The following SUMF1 variants were observed in gnomAD, a reference collection of about 807,000 sequenced individuals.
The protein encoded by SUMF1 is sulfatase modifying factor 1.
A neutral mutation model predicts 47.6 loss-of-function variants in SUMF1; 48 were observed. The ratio of observed to expected loss-of-function variants is 1.01; its 90% CI spans 0.80 to 1.28. SUMF1 has a LOEUF of 1.28. SUMF1 is among the 50% of genes most tolerant of loss of function. SUMF1 has a pLI of 0.00. For missense variants in SUMF1, 571 were observed against 485.4 expected (o/e 1.18, Z -1.66); for synonymous variants, 230 against 192.1 (o/e 1.20, Z -1.63).
At chr3:4,226,273 T>C (rs1696172490) in intron 8 of SUMF1, among the ~76,000 whole-genome samples, 1 of 139,866 alleles carries the variant, frequency 7.1e-6, no homozygotes, top group African/African-American at 2.7e-5. Context: ...TCTTTTTTTT[T>C]TTTTTTTTTT....
At chr3:4,394,526 G>A (rs895571271) in intron 7 of SUMF1, among the ~76,000 whole-genome samples, 3 of 152,184 alleles carry the variant, frequency 2.0e-5, no homozygotes, top group Non-Finnish European at 4.4e-5. Context: ...ATTCAAAGGT[G>A]TTAGATTAAA....
At chr3:4,165,471 G>A (rs1434642447) in intron 8 of SUMF1, among the ~76,000 whole-genome samples, 1 of 152,022 alleles carries the variant, frequency 6.6e-6, no homozygotes, top group East Asian at 1.9e-4. Flanking sequence ...AACAGGAAGG[G>A]GAGCTGTAGG....
chr3:4,319,938 ACT>A (rs1423806170), intron 8 of SUMF1, among the ~76,000 whole-genome samples: 1 of 152,182 alleles, frequency 6.6e-6, no homozygotes, highest in Non-Finnish European at 1.5e-5. Flanking sequence ...ACTATATGAC[ACT>A]CTGGAAAAGA....
intron 8 of SUMF1, among the ~76,000 whole-genome samples, chr3:4,108,247 T>C (rs971699081): frequency 6.6e-5 from 10 of 152,168 alleles, no homozygotes; most frequent in Admixed American, 5.9e-4. Flanking sequence ...TGAGTGAGTT[T>C]CTTAATCCTG....
At chr3:4,292,928 A>G (rs1697768226) in intron 8 of SUMF1, among the ~76,000 whole-genome samples, 1 of 152,190 alleles carries the variant, frequency 6.6e-6, no homozygotes. Context: ...TAAAAAACAA[A>G]TTATATTCAA....
intron 8 of SUMF1, among the ~76,000 whole-genome samples, chr3:4,079,235 A>G (rs1692505925): frequency 6.6e-6 from 1 of 152,122 alleles, no homozygotes; most frequent in Non-Finnish European, 1.5e-5. Context: ...ATTATTAGCT[A>G]ACACCTCGCT....
chr3:4,093,206 A>G (rs1692825274), intron 8 of SUMF1, among the ~76,000 whole-genome samples: 1 of 152,172 alleles, frequency 6.6e-6, no homozygotes, highest in Non-Finnish European at 1.5e-5. Flanking sequence ...GTTAAATAAA[A>G]TTAAACAAGG....
chr3:4,358,981 G>A (rs545355549), downstream of SUMF1, among the ~76,000 whole-genome samples: 1 of 148,596 alleles, frequency 6.7e-6, no homozygotes, highest in Non-Finnish European at 1.5e-5. Context: ...TAGTTATTTT[G>A]TTAGTGCTGT....
At chr3:4,085,746 C>A (rs1397145436) in intron 8 of SUMF1, among the ~76,000 whole-genome samples, 1 of 151,864 alleles carries the variant, frequency 6.6e-6, no homozygotes, top group Non-Finnish European at 1.5e-5. Flanking sequence ...TTCTCTTTTA[C>A]CTAAAGAACT....
At chr3:4,221,905 A>AT (rs1305530009) in intron 8 of SUMF1, among the ~76,000 whole-genome samples, 2 of 151,574 alleles carry the variant, frequency 1.3e-5, no homozygotes, top group East Asian at 1.9e-4. Context: ...TAGAATTGTG[A>AT]TTTTTTTTCT....
chr3:4,400,267 C>T (rs1208657961), intron 7 of SUMF1, among the ~76,000 whole-genome samples: 1 of 152,156 alleles, frequency 6.6e-6, no homozygotes, highest in East Asian at 1.9e-4. Flanking sequence ...TCCCCATGGC[C>T]TTTCCAGGTG....
intron 8 of SUMF1, among the ~76,000 whole-genome samples, chr3:4,254,948 G>A (rs1403001918): frequency 1.3e-5 from 2 of 152,014 alleles, no homozygotes; most frequent in South Asian, 2.1e-4. Flanking sequence ...GAAGAGAGGG[G>A]GGGCCAGTAT....
chr3:4,354,416 A>C (rs1173697329), intron 8 of SUMF1, among the ~76,000 whole-genome samples: 2 of 151,594 alleles, frequency 1.3e-5, no homozygotes, highest in Non-Finnish European at 2.9e-5. Flanking sequence ...TATGTCCACA[A>C]ATGACTTTTC....
Position 4,253,868 on chromosome 3 carries a change from A to G in SUMF1, c.1014+122462T>C, listed in dbSNP as rs1294819369. On this transcript the variant is annotated intron_variant and NMD_transcript_variant, in intron 8 of 12. Coordinates refer to the SUMF1 transcript ENST00000448413. The stretch of plus-strand genomic sequence containing the variant: ...CTGCAGACTTAAATGTCCCTGTCTG[A>G]CAGCTTTGAAGAGAGCAGTGGTTCT... Among the ~76,000 whole-genome samples, 24 of 149,952 alleles carry G rather than the reference A, an allele frequency of 1.6e-4. 1 individual carries two copies. The highest frequency in any genetic ancestry group is 5.9e-4 in the Admixed American group (9 of 15,138).
chr3:4,240,354 A>T (rs1408892220), intron 8 of SUMF1, among the ~76,000 whole-genome samples: 1 of 151,804 alleles, frequency 6.6e-6, no homozygotes, highest in Non-Finnish European at 1.5e-5. Flanking sequence ...TCCTCTTTGT[A>T]CCTCTGGTAG....
intron 8 of SUMF1, among the ~76,000 whole-genome samples, chr3:4,336,038 G>T (rs1368918928): frequency 6.6e-6 from 1 of 151,162 alleles, no homozygotes; most frequent in African/African-American, 2.4e-5. Context: ...CTGGCCAAGG[G>T]CCAAATCTAC....
intron 9 of SUMF1, among the ~76,000 whole-genome samples, chr3:4,063,101 C>T (rs914795667): frequency 3.3e-5 from 5 of 152,004 alleles, no homozygotes; most frequent in African/African-American, 9.7e-5. Flanking sequence ...TATGCCAATG[C>T]GATCTGAGAG....
chr3:4,205,674 G>T (rs1347717669), intron 8 of SUMF1, among the ~76,000 whole-genome samples: 1 of 152,164 alleles, frequency 6.6e-6, no homozygotes, highest in Non-Finnish European at 1.5e-5. Flanking sequence ...TGTGACTTTT[G>T]CCAACTCATA....
At chr3:4,212,083 G>T (rs887518803) in intron 8 of SUMF1, among the ~76,000 whole-genome samples, 6 of 152,176 alleles carry the variant, frequency 3.9e-5, no homozygotes, top group African/African-American at 9.6e-5. Flanking sequence ...GCTCTGCTAA[G>T]GGTCAGATTG....
Sources: allele counts gnomAD v4.1 joint callset (sites outside exome capture counted in the v4.1 genomes callset), GRCh38; gene constraint gnomAD v4.1.1; transcripts MANE v1.5; gene names NCBI Gene and HGNC (gene_info 2026-07-23, HGNC 2026-07-21).